ITK: variants seen among roughly 807,000 people sequenced by gnomAD.
ITK encodes the protein IL2 inducible T cell kinase, also known as tyrosine-protein kinase ITK/TSK.
A neutral mutation model predicts 87.6 loss-of-function variants in ITK; 45 were observed. The observed-to-expected ratio is 0.51, with a 90% CI of 0.40 to 0.66. The LOEUF (loss-of-function observed/expected upper bound fraction) is 0.66, where lower values mean the gene tolerates loss of function less well. ITK is among the 30% of genes least tolerant of loss of function. The pLI is 0.00. For missense variants in ITK, 605 were observed against 766.3 expected (o/e 0.79, Z 2.48); for synonymous variants, 303 against 273.6 (o/e 1.11, Z -1.06).
Position 157,220,012 on chromosome 5 carries a change from T to C in ITK, c.495+2105T>C, listed in dbSNP as rs138090789. On this transcript the variant is annotated intron_variant, in intron 5 of 16. Coordinates refer to ENST00000422843, the MANE Select transcript of ITK (RefSeq NM_005546.4). ...GTTTCAACCGCATGTCTAAATCCAA[T>C]GCAACGGTTCTCTTGTCTGAGCCAC... 1.6e-3 allele frequency among the ~76,000 whole-genome samples: 246 copies of C among 152,374 alleles called. 1 individual carries two copies. Among genetic ancestry groups the C allele is most frequent in the African/African-American group, 5.6e-3 (233 of 41,594 alleles).
chr5:157,213,594 C>T (rs1444860686), intron 3 of ITK: 1 of 453,750 alleles, frequency 2.2e-6, no homozygotes, highest in Middle Eastern at 3.4e-4. Flanking sequence ...GTTGCCTAGG[C>T]TAATCTAGAA....
chr5:157,229,143 A>G (rs1412208742), intron 7 of ITK, among the ~76,000 whole-genome samples: 3 of 152,242 alleles, frequency 2.0e-5, no homozygotes, highest in Non-Finnish European at 4.4e-5. Flanking sequence ...TTTTTCTTAT[A>G]GTAGAATGCC....
rs76900352 is a variant in ITK, at chr5:157,196,076, G to T, written c.139-12813G>T. Reference sequence around the variant, plus strand: ...AACATCTAGTGGGTAGAAGCTGAGGGTGCTGCTAAATATCCTACAATTCAC... The same window carrying T: ...AACATCTAGTGGGTAGAAGCTGAGGTTGCTGCTAAATATCCTACAATTCAC... On this transcript the variant is annotated intron_variant, in intron 1 of 16. Transcript: ENST00000422843. Among the ~76,000 whole-genome samples, 332 of 152,244 alleles carry T rather than the reference G, an allele frequency of 2.2e-3. 2 individuals carry two copies. The highest frequency in any genetic ancestry group is 7.6e-3 in the African/African-American group (316 of 41,546).
In ITK at chr5:157,222,845, G is replaced by C. The variant is rs201770355; in HGVS notation, c.496-18G>C. 5.8e-5 allele frequency: 93 copies of C among 1,613,896 alleles called. No individual in the cohort carries two copies. In the African/African-American group the frequency reaches 1.1e-3, roughly 19 times the overall value. On this transcript the variant is annotated intron_variant, in intron 5 of 16. Coordinates refer to ENST00000422843, the MANE Select transcript of ITK (RefSeq NM_005546.4). ...CTTTTTTATGTCTTTGCTTGGTTTT[G>C]TTGTCTCTCTTCCCCAGCGACCACT... is the stretch of plus-strand genomic sequence containing the variant.
rs545426245 is a variant in ITK, at chr5:157,217,746, C to T, written c.455-121C>T. 2.2e-5 allele frequency: 18 copies of T among 813,992 alleles called. No individual in the cohort carries two copies. In the African/African-American group the frequency reaches 2.7e-4, roughly 12 times the overall value. 50.4% of individuals were successfully genotyped at this position (813,992 alleles called of 1,614,324 possible). A position where few individuals can be genotyped will look rare whatever the true frequency, so the allele number is the denominator to read the frequency against. ...CTGTGTCTTATTGCTCCTTCTGGCC[C>T]CCTTTCTTCTGTTGTTTTCCCTGGG... On this transcript the variant is annotated intron_variant, in intron 4 of 16. Coordinates refer to ENST00000422843, the MANE Select transcript of ITK (RefSeq NM_005546.4).
intron 8 of ITK, among the ~76,000 whole-genome samples, chr5:157,233,657 G>A (rs1316959691): frequency 1.3e-5 from 2 of 152,100 alleles, no homozygotes; most frequent in Admixed American, 6.5e-5. Flanking sequence ...GCGCTGCCAG[G>A]CTGTGTTATT....
At position 157,180,873 on chromosome 5, in the gene ITK, C is replaced by T. The variant is rs1753497812; in HGVS notation, c.-105C>T. ...AGGCAAGTTGCCCTTGAGCAGCTCT[C>T]TGAAGATCAACTGCCTCCACATTGC... On this transcript the variant is annotated 5_prime_UTR_variant, in exon 1 of 17. Coordinates refer to ENST00000422843, the MANE Select transcript of ITK (RefSeq NM_005546.4). 2 of 1,135,174 alleles carry T rather than the reference C, an allele frequency of 1.8e-6. No homozygotes were observed. Among genetic ancestry groups the T allele is most frequent in the African/African-American group, 3.0e-5 (2 of 65,578 alleles). 70.3% of individuals were successfully genotyped at this position (1,135,174 alleles called of 1,614,324 possible).
In ITK at chr5:157,243,686, G is replaced by T. The variant is rs773691716; in HGVS notation, c.1124G>T (p.Gly375Val). Reference protein sequence around the residue: ...FVQEIGSGQFGLVHLGYWLNK... With the variant: ...FVQEIGSGQFVLVHLGYWLNK... ...CAAGAGATTGGCAGTGGGCAATTTG[G>T]GTTGGTGCATCTGGGCTACTGGCTC... Residue 375 changes from glycine (G) to valine (V), a missense_variant, in exon 12 of 17, where the codon GGG becomes GTG. Transcript: ENST00000422843. 1 of 1,613,660 alleles carries T rather than the reference G, an allele frequency of 6.2e-7. No individual in the cohort carries two copies. The highest frequency in any genetic ancestry group is 1.7e-4 in the Middle Eastern group (1 of 5,892).
At chr5:157,242,912 C>G (rs1389505887) in intron 11 of ITK, among the ~76,000 whole-genome samples, 1 of 152,246 alleles carries the variant, frequency 6.6e-6, no homozygotes, top group Middle Eastern at 3.2e-3. Context: ...GCTGTTGAGT[C>G]TCTGCCTCAA....
chr5:157,181,302 G>A (rs1245352684), intron 1 of ITK, among the ~76,000 whole-genome samples, 187 bp downstream of exon 1: 2 of 152,110 alleles, frequency 1.3e-5, no homozygotes, highest in Non-Finnish European at 2.9e-5. Context: ...GTGAAATGGT[G>A]GTGCTAGGTG....
At chr5:157,200,277 C>T (rs1426422304) in intron 1 of ITK, among the ~76,000 whole-genome samples, 2 of 152,110 alleles carry the variant, frequency 1.3e-5, no homozygotes, top group African/African-American at 4.8e-5. Flanking sequence ...TATCTTTGAA[C>T]GTGGCCAAGA....
rs187186304 is a variant in ITK, at chr5:157,239,946, T to A, written c.852-116T>A. 8.8e-6 allele frequency: 9 copies of A among 1,025,060 alleles called. No homozygotes were observed. In the East Asian group the frequency reaches 2.3e-4, roughly 26 times the overall value. 63.5% of individuals were successfully genotyped at this position (1,025,060 alleles called of 1,614,324 possible). On this transcript the variant is annotated intron_variant, in intron 9 of 16. Transcript: ENST00000422843. ...ACAGACTTATAAGTTGAACAATATC[T>A]GCCACCTTGTGAGAGGTTATAAGAC...
chr5:157,252,440 C>T (rs964148987), intron 16 of ITK, among the ~76,000 whole-genome samples, 167 bp from the exon 17 acceptor site: 3 of 152,156 alleles, frequency 2.0e-5, no homozygotes, highest in South Asian at 4.1e-4. Context: ...CCTTGGATTC[C>T]AGAATACCTG....
At chr5:157,222,602 G>A in intron 5 of ITK, 1 of 510,874 alleles carries the variant, frequency 2.0e-6, no homozygotes, top group Non-Finnish European at 3.6e-6. Flanking sequence ...ATAACATAGT[G>A]CAGATAGAGA....
chr5:157,214,115 C>A, intron 3 of ITK, 76 bp from the exon 4 acceptor site: 1 of 1,167,962 alleles, frequency 8.6e-7, no homozygotes, highest in Non-Finnish European at 1.3e-6. Flanking sequence ...GGTCTAATCT[C>A]GAGGTGTTAT....
intron 9 of ITK, among the ~76,000 whole-genome samples, chr5:157,239,484 C>T (rs1754843905): frequency 6.8e-6 from 1 of 147,192 alleles, no homozygotes; most frequent in Non-Finnish European, 1.5e-5. Flanking sequence ...TTCCAGATAC[C>T]CAAAAGGAAA....
intron 1 of ITK, among the ~76,000 whole-genome samples, chr5:157,193,826 G>T (rs1753799001): frequency 6.6e-6 from 1 of 152,046 alleles, no homozygotes; most frequent in Non-Finnish European, 1.5e-5. Flanking sequence ...GCTCCAGATT[G>T]CCCAGCAGAC....
chr5:157,222,863 C>G lies in ITK; in HGVS notation c.496C>G (p.Arg166Gly), dbSNP rs775620207. 6.2e-6 allele frequency: 10 copies of G among 1,613,966 alleles called. No homozygotes were observed. The East Asian group carries it at 2.2e-4, about 36-fold the overall frequency. ...TGGTTTTGTTGTCTCTCTTCCCCAG[C>G]GACCACTTTGGGAACCTGAAGAAAC... is the stretch of plus-strand genomic sequence containing the variant. ...PLPPTPEDNRRPLWEPEETVV... is the reference protein window; with the variant it reads ...PLPPTPEDNRGPLWEPEETVV... Residue 166 changes from arginine (R) to glycine (G), a missense_variant and splice_region_variant, in exon 6 of 17, where the codon CGA becomes GGA. This residue lies in a region of ITK where 464 missense variants were observed against 578.0 expected (regional missense o/e 0.80). Transcript: ENST00000422843.
At position 157,180,898 on chromosome 5, in the gene ITK, C is replaced by A; in HGVS notation, c.-80C>A. On this transcript the variant is annotated 5_prime_UTR_variant, in exon 1 of 17. Coordinates refer to ENST00000422843, the MANE Select transcript of ITK (RefSeq NM_005546.4). ...CTGAAGATCAACTGCCTCCACATTG[C>A]ATTCTTTGCCCCAAAACTCTTTCCT... The A allele has an allele frequency of 7.1e-7, 1 of 1,417,268 alleles. No individual in the cohort carries two copies. The highest frequency in any genetic ancestry group is 1.0e-6 in the Non-Finnish European group (1 of 1,004,698). 87.8% of individuals were successfully genotyped at this position (1,417,268 alleles called of 1,614,324 possible). A position where few individuals can be genotyped will look rare whatever the true frequency, so the allele number is the denominator to read the frequency against.
Sources: gnomAD v4.1 joint callset for allele counts (sites outside exome capture counted in the v4.1 genomes callset) on GRCh38, gnomAD v4.1.1 for gene constraint, gnomAD v4.1.1 regional missense constraint, MANE v1.5 for transcripts, NCBI Gene and HGNC (gene_info 2026-07-23, HGNC 2026-07-21) for gene names.